Variants in LDLRAD4 observed in about 807,000 individuals in gnomAD.
The protein encoded by LDLRAD4 is low-density lipoprotein receptor class A domain-containing protein 4.
In LDLRAD4, 5 loss-of-function variants were observed where a neutral mutation model predicts 17.0. The observed-to-expected ratio is 0.29, with a 90% CI of 0.15 to 0.62. The LOEUF (loss-of-function observed/expected upper bound fraction) is 0.62. LDLRAD4 is among the 20% of genes least tolerant of loss of function. The pLI, the probability that LDLRAD4 is intolerant of heterozygous loss-of-function variation, is 0.84. For synonymous variants in LDLRAD4, 168 were observed against 171.8 expected, an observed-to-expected ratio of 0.98 and a Z score of 0.17; for missense variants, 340 against 424.7, an observed-to-expected ratio of 0.80 and a Z score of 1.75.
At chr18:13,651,882 C>T (rs2043261234) in exon 6 of LDLRAD4, 1 of 152,156 alleles carries the variant, frequency 6.6e-6, no homozygotes, top group East Asian at 1.9e-4. Flanking sequence ...ATCCAGGAAA[C>T]AAATGACAGA....
At chr18:13,581,456 C>T (rs942797417) in intron 3 of LDLRAD4, among the ~76,000 whole-genome samples, 1 of 152,122 alleles carries the variant, frequency 6.6e-6, no homozygotes, top group African/African-American at 2.4e-5. Flanking sequence ...TTCTGTTTTC[C>T]CTGGGTAGAA....
chr18:13,341,497 G>T (rs193027681), intron 1 of LDLRAD4, among the ~76,000 whole-genome samples: 1 of 151,982 alleles, frequency 6.6e-6, no homozygotes, highest in African/African-American at 2.4e-5. Flanking sequence ...TATTATAAAA[G>T]GAATTATTTT....
At chr18:13,477,848 A>G (rs1187990314) in intron 3 of LDLRAD4, among the ~76,000 whole-genome samples, 2 of 152,192 alleles carry the variant, frequency 1.3e-5, no homozygotes, top group Non-Finnish European at 2.9e-5. Context: ...CGATGTAGTC[A>G]AGGGCCAGAG....
At chr18:13,633,047 C>T (rs530333548) in intron 4 of LDLRAD4, among the ~76,000 whole-genome samples, 4 of 152,312 alleles carry the variant, frequency 2.6e-5, no homozygotes, top group African/African-American at 4.8e-5. Context: ...AGCTCCTTTC[C>T]CCAGACAGGT....
At chr18:13,505,677 G>C (rs1488319384) in intron 3 of LDLRAD4, among the ~76,000 whole-genome samples, 1 of 152,060 alleles carries the variant, frequency 6.6e-6, no homozygotes, top group African/African-American at 2.4e-5. Context: ...TATTACCCGG[G>C]CGTGGTGGTG....
At chr18:13,530,991 C>T (rs1391293683) in intron 3 of LDLRAD4, among the ~76,000 whole-genome samples, 2 of 152,180 alleles carry the variant, frequency 1.3e-5, no homozygotes, top group Non-Finnish European at 2.9e-5. Flanking sequence ...TAAGCTGCCT[C>T]TTAACACAGT....
intron 3 of LDLRAD4, among the ~76,000 whole-genome samples, chr18:13,617,394 A>G (rs1385148274): frequency 1.3e-5 from 2 of 152,244 alleles, no homozygotes; most frequent in Non-Finnish European, 2.9e-5. Context: ...GAGGAATAAA[A>G]TCCAGAGCAA....
At chr18:13,332,313 A>G (rs937247631) in intron 1 of LDLRAD4, among the ~76,000 whole-genome samples, 3 of 152,224 alleles carry the variant, frequency 2.0e-5, no homozygotes, top group Non-Finnish European at 4.4e-5. Context: ...AAATTTTCTC[A>G]TATACCTCTC....
At chr18:13,511,491 G>A (rs769853736) in intron 3 of LDLRAD4, among the ~76,000 whole-genome samples, 3 of 152,194 alleles carry the variant, frequency 2.0e-5, no homozygotes, top group Non-Finnish European at 4.4e-5. Flanking sequence ...CAGCCTGGGT[G>A]ACAGAGTGAG....
intron 3 of LDLRAD4, among the ~76,000 whole-genome samples, chr18:13,541,426 A>G (rs1302746784): frequency 6.6e-6 from 1 of 152,222 alleles, no homozygotes; most frequent in African/African-American, 2.4e-5. Context: ...ATTTGCTCAT[A>G]TATGCAAAAG....
intron 2 of LDLRAD4, among the ~76,000 whole-genome samples, chr18:13,421,408 G>T (rs1024004362): frequency 6.6e-6 from 1 of 152,176 alleles, no homozygotes; most frequent in Non-Finnish European, 1.5e-5. Context: ...AGGCAAGGAG[G>T]TGAGCATGCA....
intron 3 of LDLRAD4, among the ~76,000 whole-genome samples, chr18:13,532,262 G>A (rs532017423): frequency 2.0e-5 from 3 of 152,244 alleles, no homozygotes; most frequent in Admixed American, 6.5e-5. Context: ...CGAAGCAGCC[G>A]ACTTCTGGAG....
intron 4 of LDLRAD4, among the ~76,000 whole-genome samples, chr18:13,626,605 A>G (rs2041191241): frequency 6.6e-6 from 1 of 152,274 alleles, no homozygotes; most frequent in Admixed American, 6.5e-5. Flanking sequence ...AATTTAAAAA[A>G]TTAACAAAAG....
At chr18:13,383,454 A>G (rs1270371616) in intron 1 of LDLRAD4, among the ~76,000 whole-genome samples, 2 of 152,204 alleles carry the variant, frequency 1.3e-5, no homozygotes, top group African/African-American at 2.4e-5. Context: ...GGGGCCATCA[A>G]AGAAGCATCT....
intron 2 of LDLRAD4, among the ~76,000 whole-genome samples, chr18:13,434,545 C>G (rs559325423): frequency 3.3e-5 from 5 of 152,278 alleles, no homozygotes; most frequent in Non-Finnish European, 5.9e-5. Flanking sequence ...ACAAGTTCCA[C>G]AAAGAATAGA....
chr18:13,274,147 C>T (rs1345862350), upstream of LDLRAD4, among the ~76,000 whole-genome samples: 3 of 152,174 alleles, frequency 2.0e-5, no homozygotes, highest in African/African-American at 7.2e-5. Context: ...GCTTGATTTC[C>T]TTCCGGGAGG....
chr18:13,258,602 A>G (rs1276275557), intron 1 of LDLRAD4, among the ~76,000 whole-genome samples: 1 of 152,256 alleles, frequency 6.6e-6, no homozygotes, highest in East Asian at 1.9e-4. Flanking sequence ...TGAACCAAAG[A>G]TTACATTCTT....
At chr18:13,332,934 G>A (rs1339286843) in intron 1 of LDLRAD4, among the ~76,000 whole-genome samples, 3 of 152,042 alleles carry the variant, frequency 2.0e-5, no homozygotes, top group Non-Finnish European at 4.4e-5. Context: ...AAATACCAAC[G>A]AGCGCAATTG....
chr18:13,467,170 T>G (rs1412195505), intron 3 of LDLRAD4, among the ~76,000 whole-genome samples: 1 of 152,038 alleles, frequency 6.6e-6, no homozygotes, highest in Non-Finnish European at 1.5e-5. Context: ...GAAAAAGAAA[T>G]AAAAGGCATC....
Sources: allele counts gnomAD v4.1 joint callset (sites outside exome capture counted in the v4.1 genomes callset), GRCh38; gene constraint gnomAD v4.1.1; transcripts MANE v1.5; gene names NCBI Gene and HGNC (gene_info 2026-07-23, HGNC 2026-07-21).